HBP1: variants seen among roughly 807,000 people sequenced by gnomAD.
HBP1 encodes HMG box-containing protein 1.
A neutral mutation model predicts 62.6 loss-of-function variants in HBP1; 20 were observed. That is an observed-to-expected ratio of 0.32 (90% CI 0.22 to 0.46). The LOEUF (loss-of-function observed/expected upper bound fraction) is 0.46. Among genes scored for constraint, HBP1 ranks in the 20% least tolerant of loss-of-function variants. HBP1 has a pLI of 1.00. For synonymous variants in HBP1, 232 were observed against 206.2 expected (o/e 1.12, Z -1.07); for missense variants, 480 against 611.8 (o/e 0.78, Z 2.27).
At chr7:107,190,543 A>G (rs1399390302) in intron 8 of HBP1, among the ~76,000 whole-genome samples, 4 of 152,228 alleles carry the variant, frequency 2.6e-5, no homozygotes, top group Non-Finnish European at 4.4e-5. Context: ...TTGAGTTTAT[A>G]AAACATTTAG....
chr7:107,183,068 C>A (rs79011260), intron 3 of HBP1, among the ~76,000 whole-genome samples: 2,362 of 152,254 alleles, frequency 0.016, 68 homozygotes, highest in African/African-American at 0.053. Flanking sequence ...CTTAAACTTA[C>A]AAAAGTGGGT....
At position 107,196,159 on chromosome 7, in the gene HBP1, T is replaced by C. The variant is rs761755524; in HGVS notation, c.1385+8T>C. 3 of 1,463,934 alleles carry C rather than the reference T, an allele frequency of 2.0e-6. No individual in the cohort carries two copies. Among genetic ancestry groups the C allele is most frequent in the Middle Eastern group, 3.5e-4 (2 of 5,776 alleles). 90.7% of individuals were successfully genotyped at this position (1,463,934 alleles called of 1,614,324 possible). A position where few individuals can be genotyped will look rare whatever the true frequency, so the allele number is the denominator to read the frequency against. On this transcript the variant is annotated splice_region_variant and intron_variant, in intron 9 of 10. Transcript: ENST00000222574. The stretch of plus-strand genomic sequence containing the variant: ...TCCAGGGAAAGATAACAGGTAAAAA[T>C]AGTGATAATTCTGATTACAATAAAT...
chr7:107,201,061 C>A (rs1308445855), intron 10 of HBP1: 2 of 180,588 alleles, frequency 1.1e-5, no homozygotes, highest in Non-Finnish European at 2.3e-5. Flanking sequence ...TAGTAAAATG[C>A]AGGTCATATC....
At chr7:107,172,473 A>T (rs1796646026) in intron 1 of HBP1, among the ~76,000 whole-genome samples, 1 of 152,316 alleles carries the variant, frequency 6.6e-6, no homozygotes, top group East Asian at 1.9e-4. Context: ...CAAGTTTCAT[A>T]AGAATTTTTA....
chr7:107,186,477 A>G lies in HBP1; in HGVS notation c.652+5A>G. Reference sequence around the variant, plus strand: ...TCTGGCACTGTTTTTTGAAAGGTAAAACAAACAAACAAACAAAAACCTTGA... The same window carrying G: ...TCTGGCACTGTTTTTTGAAAGGTAAGACAAACAAACAAACAAAAACCTTGA... On this transcript the variant is annotated splice_donor_5th_base_variant and intron_variant, in intron 5 of 10. Coordinates refer to ENST00000222574, the MANE Select transcript of HBP1 (RefSeq NM_012257.4). The G allele has an allele frequency of 6.4e-7, 1 of 1,570,828 alleles. No homozygotes were observed. Among genetic ancestry groups the G allele is most frequent in the Non-Finnish European group, 8.7e-7 (1 of 1,144,384 alleles).
intron 4 of HBP1, among the ~76,000 whole-genome samples, chr7:107,186,156 CT>C (rs946488645): frequency 3.9e-5 from 5 of 127,276 alleles, no homozygotes; most frequent in South Asian, 2.5e-4. Context: ...TCTTTTTTTT[CT>C]TTTTTTTTCT....
intron 9 of HBP1, 126 bp downstream of exon 9, chr7:107,196,277 GTTTGTT>G (rs1426667812): frequency 1.4e-6 from 1 of 731,354 alleles, no homozygotes. Context: ...TGACTTTTTT[GTTTGTT>G]TTTGAGACGG....
At chr7:107,197,195 C>T (rs905726016) in intron 9 of HBP1, 3 of 152,160 alleles carry the variant, frequency 2.0e-5, no homozygotes, top group Admixed American at 1.3e-4. Context: ...TCAAGTTCTC[C>T]ATATATTAAT....
intron 1 of HBP1, 147 bp downstream of exon 1, chr7:107,169,332 GGT>G (rs924039850): frequency 2.0e-5 from 6 of 297,438 alleles, no homozygotes; most frequent in African/African-American, 1.4e-4. Context: ...CCGTTCGATT[GGT>G]GCCCGCGGCG....
In HBP1 at chr7:107,177,519, T is replaced by C. The variant is rs1796912345; in HGVS notation, c.-15-2360T>C. ...TCTAGCAATCTAAAATAATCAGATGTAAGCAAATACTTTTAAAAAATAAGA... is the reference window on the plus strand; with the variant it reads ...TCTAGCAATCTAAAATAATCAGATGCAAGCAAATACTTTTAAAAAATAAGA... On this transcript the variant is annotated intron_variant, in intron 1 of 10. Transcript: ENST00000222574. Among the ~76,000 whole-genome samples the C allele has an allele frequency of 2.6e-5, 4 of 152,348 alleles. No homozygotes were observed. In the South Asian group the frequency reaches 8.3e-4, roughly 32 times the overall value.
chr7:107,189,481 T>C (rs1797543974), intron 7 of HBP1, 33 bp downstream of exon 7: 1 of 1,522,004 alleles, frequency 6.6e-7, no homozygotes, highest in Admixed American at 1.9e-5. Flanking sequence ...AGTAACTTTT[T>C]TTAAACAAAG....
intron 10 of HBP1, chr7:107,201,085 C>A: frequency 4.7e-6 from 1 of 210,956 alleles, no homozygotes; most frequent in Non-Finnish European, 9.4e-6. Context: ...TTAAATTTTT[C>A]ACAATTTCTT....
intron 6 of HBP1, 43 bp from the exon 7 acceptor site, chr7:107,189,244 TTTGAA>T: frequency 6.6e-7 from 1 of 1,513,714 alleles, no homozygotes; most frequent in Non-Finnish European, 9.1e-7. Flanking sequence ...TTCACAGTGT[TTTGAA>T]TTGAACATTT....
intron 9 of HBP1, among the ~76,000 whole-genome samples, chr7:107,199,283 T>C (rs1301268982): frequency 1.3e-5 from 2 of 152,162 alleles, no homozygotes; most frequent in Non-Finnish European, 2.9e-5. Context: ...GGTTTCACCA[T>C]GTCGGCCAGG....
intron 10 of HBP1, chr7:107,201,196 T>C (rs1233478797): frequency 4.9e-6 from 2 of 406,044 alleles, no homozygotes; most frequent in Admixed American, 4.3e-5. Context: ...ACTTTTCCTG[T>C]ATCCCTTTTC....
At chr7:107,186,137 TTG>T (rs1035128199) in intron 4 of HBP1, among the ~76,000 whole-genome samples, 195 bp downstream of exon 4, 6 of 151,854 alleles carry the variant, frequency 4.0e-5, no homozygotes, top group Admixed American at 1.3e-4. Flanking sequence ...AAACTTTGTT[TTG>T]TGTGTGTCTT....
chr7:107,171,067 A>AT (rs1395508929), intron 1 of HBP1, among the ~76,000 whole-genome samples: 10 of 66,666 alleles, frequency 1.5e-4, no homozygotes, highest in African/African-American at 9.7e-4. Context: ...ATATATATAT[A>AT]TATATATTTT....
chr7:107,201,314 ATAG>A (rs1365220377), intron 10 of HBP1, 97 bp from the exon 11 acceptor site: 1 of 668,724 alleles, frequency 1.5e-6, no homozygotes, highest in East Asian at 2.9e-5. Flanking sequence ...GTATTTTCTA[ATAG>A]TAAATTTATA....
At chr7:107,192,543 T>C (rs1797704517) in intron 8 of HBP1, 1 of 152,076 alleles carries the variant, frequency 6.6e-6, no homozygotes, top group South Asian at 2.1e-4. Flanking sequence ...ACTGGAAATA[T>C]TATTCTTAAT....
Sources: gnomAD v4.1 joint callset for allele counts (sites outside exome capture counted in the v4.1 genomes callset) on GRCh38, gnomAD v4.1.1 for gene constraint, MANE v1.5 for transcripts, NCBI Gene and HGNC (gene_info 2026-07-23, HGNC 2026-07-21) for gene names.